The following MBTPS1 variants were observed in gnomAD, a reference collection of about 807,000 sequenced individuals.
MBTPS1 encodes membrane-bound transcription factor site-1 protease.
In MBTPS1, 94 loss-of-function variants were observed where a neutral mutation model predicts 127.8. That is an observed-to-expected ratio of 0.74 (90% confidence interval 0.62 to 0.87). The LOEUF is 0.87. Among genes scored for constraint, MBTPS1 ranks in the 40% least tolerant of loss-of-function variants. MBTPS1 has a pLI of 0.00. For synonymous variants in MBTPS1, 632 were observed against 509.4 expected, an observed-to-expected ratio of 1.24 and a Z score of -3.24; for missense variants, 1,636 against 1,353.2, an observed-to-expected ratio of 1.21 and a Z score of -3.28.
At chr16:84,077,534 G>A (rs968746349) in intron 11 of MBTPS1, among the ~76,000 whole-genome samples, 2 of 152,068 alleles carry the variant, frequency 1.3e-5, no homozygotes, top group African/African-American at 4.8e-5. Flanking sequence ...ACAAATGGGT[G>A]GCCATTTGGC....
At chr16:84,114,872 G>A (rs930060028) in intron 1 of MBTPS1, among the ~76,000 whole-genome samples, 2 of 149,574 alleles carry the variant, frequency 1.3e-5, no homozygotes, top group African/African-American at 2.5e-5. Context: ...GCAGAATTCC[G>A]CAGCACTGAT....
intron 11 of MBTPS1, 193 bp downstream of exon 11, chr16:84,081,554 C>T (rs1454286742): frequency 2.5e-6 from 1 of 394,866 alleles, no homozygotes; most frequent in Non-Finnish European, 4.4e-6. Flanking sequence ...AAGATCACAT[C>T]AGTAAGCGAA....
chr16:84,094,748 C>G (rs1597341065), intron 4 of MBTPS1, among the ~76,000 whole-genome samples: 1 of 152,082 alleles, frequency 6.6e-6, no homozygotes, highest in South Asian at 2.1e-4. Flanking sequence ...TTTGTTTTGT[C>G]AAGGAGTTCT....
At chr16:84,065,936 A>G (rs1386943898) in intron 17 of MBTPS1, among the ~76,000 whole-genome samples, 169 bp from the exon 18 acceptor site, 1 of 152,204 alleles carries the variant, frequency 6.6e-6, no homozygotes, top group Non-Finnish European at 1.5e-5. Flanking sequence ...AAGTACAAGT[A>G]ATCTCCTCAA....
intron 12 of MBTPS1, 39 bp from the exon 13 acceptor site, chr16:84,070,815 A>C: frequency 6.5e-7 from 1 of 1,527,390 alleles, no homozygotes; most frequent in South Asian, 1.2e-5. Context: ...TAAAGTGAAA[A>C]GCTCCAGGAG....
chr16:84,080,819 T>G (rs1300157589), intron 11 of MBTPS1, among the ~76,000 whole-genome samples: 1 of 152,202 alleles, frequency 6.6e-6, no homozygotes, highest in African/African-American at 2.4e-5. Flanking sequence ...ACCCTTCCCT[T>G]TATCCTTCAG....
intron 9 of MBTPS1, 123 bp downstream of exon 9, chr16:84,087,235 C>T (rs2086041464): frequency 4.2e-6 from 3 of 720,660 alleles, no homozygotes; most frequent in Non-Finnish European, 4.8e-6. Flanking sequence ...CCCGGCTATT[C>T]CCATGTGAAT....
intron 8 of MBTPS1, among the ~76,000 whole-genome samples, chr16:84,089,241 C>A (rs1388934967): frequency 1.3e-5 from 2 of 152,232 alleles, no homozygotes; most frequent in African/African-American, 4.8e-5. Flanking sequence ...AGTTGGCCAA[C>A]TACGGCCCAT....
chr16:84,097,935 G>A (rs535892072), intron 3 of MBTPS1, among the ~76,000 whole-genome samples: 1 of 151,458 alleles, frequency 6.6e-6, no homozygotes, highest in South Asian at 2.1e-4. Context: ...GATAGACAAA[G>A]AAGAGTAAAA....
intron 11 of MBTPS1, among the ~76,000 whole-genome samples, chr16:84,078,308 CAG>C (rs2085890854): frequency 6.7e-6 from 1 of 149,814 alleles, no homozygotes; most frequent in African/African-American, 2.5e-5. Context: ...CCTTACCTAA[CAG>C]AGCTACCCGA....
chr16:84,063,184 G>C lies in MBTPS1; in HGVS notation c.2572+121C>G, dbSNP rs140890718. Reference sequence around the variant, plus strand: ...AAGTGACTGCAACATCTCCAGCTGAGCCTGGCTCAAGTGAACAGATGTCGG... The same window carrying C: ...AAGTGACTGCAACATCTCCAGCTGACCCTGGCTCAAGTGAACAGATGTCGG... On this transcript the variant is annotated intron_variant, in intron 19 of 22. Transcript: ENST00000343411. 667 of 1,029,906 alleles carry C rather than the reference G, an allele frequency of 6.5e-4. 1 individual carries two copies. The African/African-American group carries it at 9.5e-3, about 15-fold the overall frequency. The allele number at this position is 1,029,906 out of a possible 1,614,324, so 63.8% of individuals were successfully genotyped here.
At position 84,068,402 on chromosome 16, in the gene MBTPS1, T is replaced by G. The variant is rs2085722209; in HGVS notation, c.2008A>C (p.Ser670Arg). The G allele has an allele frequency of 6.2e-7, 1 of 1,614,140 alleles. No homozygotes were observed. The highest frequency in any genetic ancestry group is 1.3e-5 in the African/African-American group (1 of 74,952). Residue 670 changes from serine (S) to arginine (R), a missense_variant, in exon 15 of 23, where the codon AGC (serine) becomes CGC (arginine). By Grantham distance (110) the Ser-to-Arg change is moderately radical (BLOSUM62 -1). Coordinates refer to ENST00000343411, the MANE Select transcript of MBTPS1 (RefSeq NM_003791.4). The stretch of plus-strand genomic sequence containing the variant: ...AGGACCTCTACAAAGTAGCCCATGC[T>G]TCTCAGATGCTGGTACATATCCCTG... The part of the protein sequence containing the change: ...NFRDMYQHLR[S>R]MGYFVEVLGA...
At position 84,095,793 on chromosome 16, in the gene MBTPS1, A is replaced by C. The variant is rs1217956282; in HGVS notation, c.434T>G (p.Val145Gly). 2 of 1,613,738 alleles carry C rather than the reference A, an allele frequency of 1.2e-6. No individual in the cohort carries two copies. Among genetic ancestry groups the C allele is most frequent in the Admixed American group, 1.7e-5 (1 of 60,028 alleles). Residue 145 changes from valine to glycine, a missense_variant, in exon 4 of 23, where the codon GTA becomes GGA. Coordinates refer to ENST00000343411, the MANE Select transcript of MBTPS1 (RefSeq NM_003791.4). ...SLKYAESDPT[V>G]PCNETRWSQK... ...GCTCCACCGGGTTTCATTGCAGGGTACTGTGGGGTCAGCTACAGGCAAGGG... is the reference window on the plus strand; with the variant it reads ...GCTCCACCGGGTTTCATTGCAGGGTCCTGTGGGGTCAGCTACAGGCAAGGG...
Position 84,082,094 on chromosome 16 carries a change from C to T in MBTPS1, c.1287-186G>A, listed in dbSNP as rs747907292. ...ACTCATCTCTGTACCCAATCCAGGA[C>T]TGACCACTCCGCAACCTTCTACGGG... On this transcript the variant is annotated intron_variant, in intron 10 of 22. Transcript: ENST00000343411. The T allele has an allele frequency of 3.7e-5, 15 of 402,748 alleles. No homozygotes were observed. In the Middle Eastern group the frequency reaches 1.1e-3, roughly 29 times the overall value. The allele number at this position is 402,748 out of a possible 1,614,324, so 24.9% of individuals were successfully genotyped here.
chr16:84,078,970 C>T (rs942095238), intron 11 of MBTPS1, among the ~76,000 whole-genome samples: 6 of 152,198 alleles, frequency 3.9e-5, no homozygotes, highest in Non-Finnish European at 7.3e-5. Flanking sequence ...CTCACGCTGA[C>T]GTGTAATCCC....
intron 6 of MBTPS1, 39 bp downstream of exon 6, chr16:84,093,149 A>T (rs200940577): frequency 5.8e-5 from 76 of 1,310,800 alleles, no homozygotes; most frequent in Middle Eastern, 1.8e-4. Flanking sequence ...ACATTTCAGT[A>T]TGAATTCCTC....
intron 11 of MBTPS1, 75 bp downstream of exon 11, chr16:84,081,672 A>AT: frequency 8.6e-7 from 1 of 1,168,162 alleles, no homozygotes; most frequent in Non-Finnish European, 1.1e-6. Context: ...TGAGGCTTGT[A>AT]TTTTGTGCAG....
chr16:84,093,409 G>C (rs545641668), intron 5 of MBTPS1, 112 bp from the exon 6 acceptor site: 11 of 758,118 alleles, frequency 1.5e-5, no homozygotes, highest in African/African-American at 3.4e-5. Flanking sequence ...GCTGGATAGA[G>C]GAGGGCCTCT....
intron 21 of MBTPS1, 88 bp from the exon 22 acceptor site, chr16:84,056,223 CAG>C (rs2085520096): frequency 1.8e-6 from 2 of 1,129,268 alleles, no homozygotes; most frequent in African/African-American, 1.5e-5. Context: ...AAACTCAAGA[CAG>C]AGCAAGTGAT....
Sources: allele counts gnomAD v4.1 joint callset (sites outside exome capture counted in the v4.1 genomes callset), GRCh38; gene constraint gnomAD v4.1.1; transcripts MANE v1.5; gene names NCBI Gene and HGNC (gene_info 2026-07-23, HGNC 2026-07-21).